Variants in FGF12 observed in about 807,000 individuals in gnomAD.
FGF12 encodes fibroblast growth factor 12B.
A neutral mutation model predicts 23.6 loss-of-function variants in FGF12; 14 were observed. The observed-to-expected ratio is 0.59, with a 90% CI of 0.39 to 0.93. The LOEUF is 0.93. Ranked by LOEUF, FGF12 falls within the 40% of genes least tolerant of loss-of-function variation. The probability of loss-of-function intolerance (pLI) is 0.00; values close to 1 mark genes in which losing one functional copy is unlikely to be tolerated. For missense variants in FGF12, 175 were observed against 217.8 expected (o/e 0.80, Z 1.24); for synonymous variants, 62 against 77.3 (o/e 0.80, Z 1.04).
chr3:192,192,569 G>A (rs888673109), intron 4 of FGF12, among the ~76,000 whole-genome samples: 5 of 150,640 alleles, frequency 3.3e-5, no homozygotes, highest in African/African-American at 1.2e-4. Flanking sequence ...ACTTGAAACA[G>A]GTTTTTAATA....
chr3:192,603,322 T>A (rs1431392859), intron 2 of FGF12, among the ~76,000 whole-genome samples: 3 of 152,154 alleles, frequency 2.0e-5, no homozygotes, highest in Non-Finnish European at 4.4e-5. Flanking sequence ...AACTGATTAA[T>A]CACTTCAGTA....
chr3:192,665,362 C>A (rs1479900795), intron 2 of FGF12, among the ~76,000 whole-genome samples: 1 of 152,066 alleles, frequency 6.6e-6, no homozygotes, highest in Non-Finnish European at 1.5e-5. Context: ...TATGCCATTA[C>A]CATAAGTGAT....
intron 2 of FGF12, among the ~76,000 whole-genome samples, chr3:192,680,103 G>C (rs374217040): frequency 6.6e-6 from 1 of 152,088 alleles, no homozygotes; most frequent in African/African-American, 2.4e-5. Context: ...CATTGCCTCA[G>C]TGTGAAGAAA....
chr3:192,141,795 C>CTGA lies in FGF12; in HGVS notation c.*2211_*2213dup, dbSNP rs373652249. On this transcript the variant is annotated 3_prime_UTR_variant, in exon 6 of 6. Transcript: ENST00000445105. ...TGTTATTTATGAAACCATCGTTTTACTGATGAGTGTGTATGTGTATCATCA... is the reference window on the plus strand; with the variant it reads ...TGTTATTTATGAAACCATCGTTTTACTGATGATGAGTGTGTATGTGTATCATCA... The CTGA allele has an allele frequency of 1.4e-4, 12 of 84,646 alleles. No individual in the cohort carries two copies. The highest frequency in any genetic ancestry group is 4.1e-4 in the Admixed American group (4 of 9,816). The allele number at this position is 84,646 out of a possible 1,614,324, so 5.2% of individuals were successfully genotyped here. A position where few individuals can be genotyped will look rare whatever the true frequency, so the allele number is the denominator to read the frequency against.
chr3:192,686,347 G>C (rs187834012), intron 2 of FGF12, among the ~76,000 whole-genome samples: 110 of 152,232 alleles, frequency 7.2e-4, no homozygotes, highest in Non-Finnish European at 1.2e-3. Context: ...AGTTGGAACC[G>C]AGACTGAAAT....
At chr3:192,474,091 GATTTT>G (rs1723248336) in intron 2 of FGF12, among the ~76,000 whole-genome samples, 2 of 152,270 alleles carry the variant, frequency 1.3e-5, no homozygotes, top group East Asian at 3.9e-4. Flanking sequence ...ATTGAAGACT[GATTTT>G]ATTTTAATTT....
At chr3:192,208,529 T>C (rs932432733) in intron 4 of FGF12, among the ~76,000 whole-genome samples, 7 of 152,332 alleles carry the variant, frequency 4.6e-5, no homozygotes, top group Non-Finnish European at 1.5e-5. Context: ...GTAATTTGGA[T>C]ATTTTATATA....
intron 2 of FGF12, among the ~76,000 whole-genome samples, chr3:192,526,804 C>G (rs976400014): frequency 1.3e-5 from 2 of 152,198 alleles, no homozygotes; most frequent in Non-Finnish European, 1.5e-5. Flanking sequence ...GAAGATAAAG[C>G]CTTAATCAAA....
chr3:192,443,634 C>T (rs1366407657), intron 2 of FGF12, among the ~76,000 whole-genome samples: 1 of 152,116 alleles, frequency 6.6e-6, no homozygotes, highest in Non-Finnish European at 1.5e-5. Flanking sequence ...TCGGTTAAGA[C>T]CTGAGTTCAA....
intron 2 of FGF12, among the ~76,000 whole-genome samples, chr3:192,620,604 C>T (rs371147170): frequency 1.4e-4 from 21 of 152,280 alleles, no homozygotes; most frequent in African/African-American, 4.6e-4. Context: ...TTAGCTTTTA[C>T]GTTCTGAAAC....
At chr3:192,526,788 T>G (rs1340683086) in intron 2 of FGF12, among the ~76,000 whole-genome samples, 1 of 152,230 alleles carries the variant, frequency 6.6e-6, no homozygotes, top group African/African-American at 2.4e-5. Context: ...ACCATATGGT[T>G]CGACTGAAGA....
At position 192,184,797 on chromosome 3, in the gene FGF12, C is replaced by T. The variant is rs537926137; in HGVS notation, c.229-14141G>A. Among the ~76,000 whole-genome samples, 10 of 152,292 alleles carry T rather than the reference C, an allele frequency of 6.6e-5. No homozygotes were observed. In the South Asian group the frequency reaches 1.7e-3, roughly 25 times the overall value. On this transcript the variant is annotated intron_variant, in intron 4 of 5. Coordinates refer to ENST00000445105, the MANE Select transcript of FGF12 (RefSeq NM_004113.6). ...TAAAGAAATGAAATCGTTCTCCAAA[C>T]GTGTTTTATCTACCAATTTTCCCAT...
chr3:192,627,252 G>A (rs1033976755), intron 2 of FGF12, among the ~76,000 whole-genome samples: 1 of 151,680 alleles, frequency 6.6e-6, no homozygotes, highest in African/African-American at 2.4e-5. Context: ...CTTATATTTT[G>A]TACTTAACAT....
rs73887664 is a variant in FGF12, at chr3:192,656,082, T to C, written c.13+71099A>G. Among the ~76,000 whole-genome samples the C allele has an allele frequency of 3.3e-3, 498 of 149,870 alleles. 5 individuals carry two copies. The highest frequency in any genetic ancestry group is 0.012 in the African/African-American group (478 of 40,714). ...AAAAAATTCTTTTCCTTGCAGTACC[T>C]AGCACAGGACTTTTTAGAAGGGTAT... is the stretch of plus-strand genomic sequence containing the variant. On this transcript the variant is annotated intron_variant, in intron 2 of 5. Transcript: ENST00000445105.
At chr3:192,447,423 T>C (rs1314191296) in intron 2 of FGF12, among the ~76,000 whole-genome samples, 1 of 152,224 alleles carries the variant, frequency 6.6e-6, no homozygotes, top group East Asian at 1.9e-4. Flanking sequence ...CAGCTGATTA[T>C]TAAAAGTGTT....
At chr3:192,313,642 G>A (rs1199892354) in intron 4 of FGF12, among the ~76,000 whole-genome samples, 1 of 152,098 alleles carries the variant, frequency 6.6e-6, no homozygotes, top group Non-Finnish European at 1.5e-5. Flanking sequence ...TCTCTTCCTT[G>A]TAGTCTCTAC....
chr3:192,680,499 G>A (rs1717488730), intron 2 of FGF12, among the ~76,000 whole-genome samples: 2 of 152,152 alleles, frequency 1.3e-5, no homozygotes, highest in South Asian at 4.1e-4. Flanking sequence ...GGTTATTCAG[G>A]TCATCACATG....
intron 2 of FGF12, among the ~76,000 whole-genome samples, chr3:192,538,555 T>G (rs1315437861): frequency 6.6e-6 from 1 of 152,214 alleles, no homozygotes; most frequent in Non-Finnish European, 1.5e-5. Flanking sequence ...AGTAATGAGA[T>G]TCCTCTAGTT....
intron 4 of FGF12, among the ~76,000 whole-genome samples, chr3:192,297,565 A>G (rs891267615): frequency 6.6e-6 from 1 of 152,212 alleles, no homozygotes; most frequent in Non-Finnish European, 1.5e-5. Context: ...TCCCTGGCAC[A>G]TCACCCACAA....
Sources: allele counts gnomAD v4.1 joint callset (sites outside exome capture counted in the v4.1 genomes callset), GRCh38; gene constraint gnomAD v4.1.1; transcripts MANE v1.5; gene names NCBI Gene and HGNC (gene_info 2026-07-23, HGNC 2026-07-21).